SOX5: variants seen among roughly 807,000 people sequenced by gnomAD.
SOX5 encodes transcription factor SOX-5.
A neutral mutation model predicts 92.0 loss-of-function variants in SOX5; 9 were observed. That is an observed-to-expected ratio of 0.10 (90% CI 0.06 to 0.17). The LOEUF is 0.17. Among genes scored for constraint, SOX5 ranks in the 10% least tolerant of loss-of-function variants. The pLI, the probability that SOX5 is intolerant of heterozygous loss-of-function variation, is 1.00. For synonymous variants in SOX5, 344 were observed against 336.3 expected, an observed-to-expected ratio of 1.02 and a Z score of -0.25; for missense variants, 642 against 944.5, an observed-to-expected ratio of 0.68 and a Z score of 4.20.
chr12:24,199,708 C>T (rs913288927), intron 4 of SOX5, among the ~76,000 whole-genome samples: 1 of 152,134 alleles, frequency 6.6e-6, no homozygotes, highest in Non-Finnish European at 1.5e-5. Flanking sequence ...CTAACTCCTG[C>T]TAAAGCCAAA....
chr12:24,187,583 C>T (rs577902143), intron 4 of SOX5, among the ~76,000 whole-genome samples: 15 of 152,214 alleles, frequency 9.9e-5, no homozygotes, highest in Admixed American at 3.3e-4. Flanking sequence ...GTCTCTATCC[C>T]GGACCTCTCA....
At chr12:24,398,944 G>A (rs531369374) in intron 1 of SOX5, among the ~76,000 whole-genome samples, 24 of 152,208 alleles carry the variant, frequency 1.6e-4, no homozygotes, top group African/African-American at 5.3e-4. Flanking sequence ...GAGTTGCCAA[G>A]GTGGACAATT....
intron 8 of SOX5, among the ~76,000 whole-genome samples, chr12:23,606,014 C>T (rs918979765): frequency 6.6e-6 from 1 of 151,982 alleles, no homozygotes; most frequent in Non-Finnish European, 1.5e-5. Context: ...ATTACATAAA[C>T]ATTAAAAGGA....
At chr12:24,480,900 G>A (rs1015758402) in intron 1 of SOX5, among the ~76,000 whole-genome samples, 5 of 151,972 alleles carry the variant, frequency 3.3e-5, no homozygotes, top group African/African-American at 1.2e-4. Context: ...CCATCCCACG[G>A]CTGGGTATGT....
chr12:24,420,138 A>T (rs1391335891), intron 1 of SOX5, among the ~76,000 whole-genome samples: 1 of 152,220 alleles, frequency 6.6e-6, no homozygotes, highest in Non-Finnish European at 1.5e-5. Context: ...CTTTATTTTG[A>T]CAGGAAATTT....
chr12:23,533,515 ATGTAG>A lies in SOX5; in HGVS notation c.*699_*703del, dbSNP rs1189997263. ...GTACAAATTTGGCACTTGCTCAAAG[ATGTAG>A]TGTGGTGTGCAATAGATAAAGTCCT... On this transcript the variant is annotated 3_prime_UTR_variant, in exon 15 of 15. Coordinates refer to ENST00000451604, the MANE Select transcript of SOX5 (RefSeq NM_006940.6). The A allele has an allele frequency of 9.7e-5, 18 of 186,292 alleles. No individual in the cohort carries two copies. Among genetic ancestry groups the A allele is most frequent in the Non-Finnish European group, 1.1e-5 (1 of 87,582 alleles). The allele number at this position is 186,292 out of a possible 1,614,324, so 11.5% of individuals were successfully genotyped here.
At chr12:24,225,577 G>T (rs1425914873) in intron 3 of SOX5, among the ~76,000 whole-genome samples, 1 of 151,600 alleles carries the variant, frequency 6.6e-6, no homozygotes, top group Non-Finnish European at 1.5e-5. Flanking sequence ...AACACCAAAA[G>T]CACATGCTAC....
intron 2 of SOX5, among the ~76,000 whole-genome samples, chr12:24,365,188 T>C (rs1956045753): frequency 6.6e-6 from 1 of 152,156 alleles, no homozygotes; most frequent in South Asian, 2.1e-4. Context: ...TTATTTAACA[T>C]ATTTATTCTT....
At chr12:23,570,961 ATATATATATATATATATATATATT>A (rs1948245846) in intron 10 of SOX5, among the ~76,000 whole-genome samples, 2 of 83,458 alleles carry the variant, frequency 2.4e-5, no homozygotes, top group Non-Finnish European at 5.0e-5. Flanking sequence ...ATATATATAT[ATATATATATATATATATATATATT>A]TTCATATTTT....
chr12:24,514,497 A>C (rs1949599740), intron 1 of SOX5, among the ~76,000 whole-genome samples: 1 of 152,206 alleles, frequency 6.6e-6, no homozygotes, highest in South Asian at 2.1e-4. Flanking sequence ...CATTTTTCTC[A>C]TTGATGGCAT....
chr12:24,522,927 C>T (rs1412263665), intron 1 of SOX5, among the ~76,000 whole-genome samples: 3 of 150,794 alleles, frequency 2.0e-5, no homozygotes, highest in African/African-American at 4.9e-5. Flanking sequence ...AGTTAGGCAA[C>T]GTAAGGAAAA....
At chr12:23,798,787 T>C (rs1025788333) in intron 3 of SOX5, among the ~76,000 whole-genome samples, 1 of 151,960 alleles carries the variant, frequency 6.6e-6, no homozygotes, top group Non-Finnish European at 1.5e-5. Flanking sequence ...TAAAGTAATA[T>C]AGAACTCTGT....
At chr12:24,524,008 T>A (rs1246611578) in intron 1 of SOX5, among the ~76,000 whole-genome samples, 1 of 152,220 alleles carries the variant, frequency 6.6e-6, no homozygotes, top group Non-Finnish European at 1.5e-5. Flanking sequence ...ATTTTAGGTG[T>A]CAACTTGATT....
upstream of SOX5, chr12:23,951,000 CACA>C: frequency 1.3e-6 from 1 of 779,892 alleles, no homozygotes. Context: ...CACACACACA[CACA>C]CTCACTCACG....
intron 6 of SOX5, among the ~76,000 whole-genome samples, chr12:23,688,810 A>C (rs1190580104): frequency 6.6e-6 from 1 of 152,112 alleles, no homozygotes; most frequent in Non-Finnish European, 1.5e-5. Context: ...TGAGGTCAGG[A>C]ATTCTTTCTT....
intron 3 of SOX5, among the ~76,000 whole-genome samples, chr12:24,215,287 G>T (rs893525923): frequency 6.6e-6 from 1 of 152,020 alleles, no homozygotes; most frequent in Non-Finnish European, 1.5e-5. Flanking sequence ...AGGCATCCAG[G>T]CTGGAAAGAA....
chr12:24,350,550 G>T (rs1953942873), intron 2 of SOX5, among the ~76,000 whole-genome samples: 8 of 152,048 alleles, frequency 5.3e-5, no homozygotes, highest in Admixed American at 5.2e-4. Flanking sequence ...TCCTGTGTTG[G>T]CCAGGCTGGT....
chr12:24,476,758 G>T (rs1017313758), intron 1 of SOX5, among the ~76,000 whole-genome samples: 1 of 152,010 alleles, frequency 6.6e-6, no homozygotes, highest in African/African-American at 2.4e-5. Context: ...CCTCTGTTTG[G>T]TCCCTAAACA....
chr12:24,523,293 T>C (rs1206047687), intron 1 of SOX5, among the ~76,000 whole-genome samples: 2 of 152,318 alleles, frequency 1.3e-5, no homozygotes, highest in East Asian at 3.9e-4. Context: ...AGAACTAATA[T>C]TGTTAAAGTG....
Sources: gnomAD v4.1 joint callset for allele counts (sites outside exome capture counted in the v4.1 genomes callset) on GRCh38, gnomAD v4.1.1 for gene constraint, MANE v1.5 for transcripts, NCBI Gene and HGNC (gene_info 2026-07-23, HGNC 2026-07-21) for gene names.